The following SCD5 variants were observed in gnomAD, a reference collection of about 807,000 sequenced individuals.
The protein encoded by SCD5 is acyl-CoA-desaturase 4.
In SCD5, 20 loss-of-function variants were observed where a neutral mutation model predicts 30.4. The observed-to-expected ratio is 0.66, with a 90% CI of 0.46 to 0.96. SCD5 has a LOEUF of 0.96. SCD5 is among the 40% of genes least tolerant of loss of function. SCD5 has a pLI of 0.00. For synonymous variants in SCD5, 173 were observed against 176.4 expected, an observed-to-expected ratio of 0.98 and a Z score of 0.16; for missense variants, 381 against 443.3, an observed-to-expected ratio of 0.86 and a Z score of 1.26.
intron 2 of SCD5, among the ~76,000 whole-genome samples, chr4:82,697,791 A>G (rs1175365878): frequency 6.6e-6 from 1 of 151,946 alleles, no homozygotes; most frequent in East Asian, 1.9e-4. Flanking sequence ...CTGCTAGGCC[A>G]CCTCCCACCT....
At chr4:82,722,314 T>TC (rs869164314) in intron 1 of SCD5, among the ~76,000 whole-genome samples, 1 of 119,946 alleles carries the variant, frequency 8.3e-6, no homozygotes, top group Non-Finnish European at 1.7e-5. Flanking sequence ...CAAAAAATTT[T>TC]AAGTTTGTAG....
intron 1 of SCD5, among the ~76,000 whole-genome samples, chr4:82,726,746 C>T (rs1242779943): frequency 2.0e-5 from 3 of 152,124 alleles, no homozygotes; most frequent in Admixed American, 1.3e-4. Flanking sequence ...AAGTGTTCTA[C>T]ACCCCCTGTG....
At chr4:82,776,633 G>C (rs1014478713) in intron 1 of SCD5, among the ~76,000 whole-genome samples, 1 of 152,150 alleles carries the variant, frequency 6.6e-6, no homozygotes, top group African/African-American at 2.4e-5. Context: ...CTTCCAACGA[G>C]CATCTGTCTC....
At chr4:82,785,388 G>A (rs763581413) in intron 1 of SCD5, among the ~76,000 whole-genome samples, 2 of 152,140 alleles carry the variant, frequency 1.3e-5, no homozygotes, top group African/African-American at 2.4e-5. Flanking sequence ...GACATCAAAG[G>A]AATCTACATA....
intron 2 of SCD5, among the ~76,000 whole-genome samples, chr4:82,688,925 T>C (rs1728770058): frequency 6.6e-6 from 1 of 152,244 alleles, no homozygotes; most frequent in Admixed American, 6.5e-5. Flanking sequence ...GACAGTCATC[T>C]TGGCAAATAA....
intron 3 of SCD5, among the ~76,000 whole-genome samples, chr4:82,648,403 T>C (rs1275558557): frequency 6.6e-6 from 1 of 152,118 alleles, no homozygotes; most frequent in Non-Finnish European, 1.5e-5. Context: ...CCAGTTGGAG[T>C]GCACAGAGAG....
intron 3 of SCD5, among the ~76,000 whole-genome samples, chr4:82,679,199 C>CAA (rs35560907): frequency 8.4e-5 from 2 of 23,812 alleles, no homozygotes; most frequent in South Asian, 2.3e-3. Flanking sequence ...ACTCCATCTC[C>CAA]AAAAAAAAAA....
chr4:82,753,182 AG>A (rs1184045451), intron 1 of SCD5, among the ~76,000 whole-genome samples: 3 of 152,174 alleles, frequency 2.0e-5, no homozygotes, highest in Non-Finnish European at 4.4e-5. Context: ...ACATGTGTCT[AG>A]GGAGCATGTC....
chr4:82,753,574 G>A (rs1026776389), intron 1 of SCD5: 39 of 384,810 alleles, frequency 1.0e-4, no homozygotes, highest in Middle Eastern at 1.8e-3. Context: ...TGTTCATAGG[G>A]TGTCACCCAA....
At chr4:82,741,576 T>C (rs943810792) in intron 1 of SCD5, among the ~76,000 whole-genome samples, 28 of 152,196 alleles carry the variant, frequency 1.8e-4, no homozygotes, top group African/African-American at 6.5e-4. Flanking sequence ...CTATCGATGT[T>C]GTTTTAAACC....
chr4:82,653,676 T>TGATAGATA (rs1553914392), intron 3 of SCD5, among the ~76,000 whole-genome samples: 5,374 of 136,614 alleles, frequency 0.039, 146 homozygotes, highest in Non-Finnish European at 0.058. Flanking sequence ...TGAAAGTCAA[T>TGATAGATA]GATAGATAGA....
At chr4:82,767,979 A>T (rs932427244) in intron 1 of SCD5, among the ~76,000 whole-genome samples, 28 of 152,326 alleles carry the variant, frequency 1.8e-4, no homozygotes, top group African/African-American at 6.5e-4. Flanking sequence ...ATTATTCTAT[A>T]TGACTCAAGT....
chr4:82,751,045 A>C (rs1224607756), intron 1 of SCD5, among the ~76,000 whole-genome samples: 1 of 152,228 alleles, frequency 6.6e-6, no homozygotes, highest in African/African-American at 2.4e-5. Flanking sequence ...TCATGAGAAC[A>C]AGGTCTGTTT....
chr4:82,793,408 A>T (rs1722139864), intron 1 of SCD5, among the ~76,000 whole-genome samples: 1 of 152,184 alleles, frequency 6.6e-6, no homozygotes, highest in Admixed American at 6.5e-5. Context: ...AGGAAGATGG[A>T]ATGAAAGAGA....
chr4:82,664,553 G>T (rs985398256), intron 3 of SCD5, among the ~76,000 whole-genome samples: 1 of 152,164 alleles, frequency 6.6e-6, no homozygotes, highest in Non-Finnish European at 1.5e-5. Context: ...TAACTGCAAT[G>T]AACATGTTAA....
intron 1 of SCD5, among the ~76,000 whole-genome samples, chr4:82,778,072 A>G (rs1258672342): frequency 6.6e-6 from 1 of 152,204 alleles, no homozygotes; most frequent in East Asian, 1.9e-4. Flanking sequence ...TTACAGGGAC[A>G]TGGATGAAGC....
chr4:82,685,646 GA>G (rs1296434094), intron 2 of SCD5, among the ~76,000 whole-genome samples: 1 of 28,888 alleles, frequency 3.5e-5, no homozygotes, highest in Non-Finnish European at 6.6e-5. Context: ...CTGGAAGGCA[GA>G]CATTGCAGTG....
intron 2 of SCD5, among the ~76,000 whole-genome samples, chr4:82,690,631 T>G (rs1217085064): frequency 6.6e-6 from 1 of 152,230 alleles, no homozygotes; most frequent in Non-Finnish European, 1.5e-5. Flanking sequence ...CCTCTTTCCA[T>G]TCATACTCCC....
chr4:82,712,739 A>G (rs1157008145), intron 1 of SCD5, among the ~76,000 whole-genome samples: 1 of 152,174 alleles, frequency 6.6e-6, no homozygotes, highest in Non-Finnish European at 1.5e-5. Context: ...ATGTGTGTGC[A>G]TGCGCACATG....
Sources: allele counts gnomAD v4.1 joint callset (sites outside exome capture counted in the v4.1 genomes callset), GRCh38; gene constraint gnomAD v4.1.1; transcripts MANE v1.5; gene names NCBI Gene and HGNC (gene_info 2026-07-23, HGNC 2026-07-21).